SPIN1: variants seen among roughly 807,000 people sequenced by gnomAD.
The protein encoded by SPIN1 is spindlin 1, also known as spindlin-1.
In SPIN1, 3 loss-of-function variants were observed where a neutral mutation model predicts 26.0. That is an observed-to-expected ratio of 0.12 (90% confidence interval 0.05 to 0.30). SPIN1 has a LOEUF of 0.30. SPIN1 is among the 10% of genes least tolerant of loss of function. The probability of loss-of-function intolerance (pLI) is 1.00; values close to 1 mark genes in which losing one functional copy is unlikely to be tolerated. For missense variants in SPIN1, 126 were observed against 333.4 expected (o/e 0.38, Z 4.84); for synonymous variants, 101 against 116.5 (o/e 0.87, Z 0.86).
intron 1 of SPIN1, among the ~76,000 whole-genome samples, chr9:88,419,624 CT>C (rs545657677): frequency 2.2e-4 from 34 of 152,280 alleles, no homozygotes; most frequent in African/African-American, 7.2e-4. Flanking sequence ...AATCCAGCAT[CT>C]TTTTTTCTCT....
At chr9:88,416,063 G>A (rs557925939) in intron 1 of SPIN1, among the ~76,000 whole-genome samples, 67 of 151,978 alleles carry the variant, frequency 4.4e-4, no homozygotes, top group African/African-American at 1.6e-3. Context: ...GCCCAAGAAC[G>A]TCTTAATAAA....
chr9:88,421,121 A>G (rs570816468), intron 1 of SPIN1, among the ~76,000 whole-genome samples: 2 of 144,828 alleles, frequency 1.4e-5, no homozygotes, highest in Admixed American at 6.7e-5. Context: ...AATTATTTGA[A>G]GTTAACTTAC....
chr9:88,471,540 A>G (rs1828785217), intron 5 of SPIN1, among the ~76,000 whole-genome samples: 1 of 149,582 alleles, frequency 6.7e-6, no homozygotes, highest in Non-Finnish European at 1.5e-5. Flanking sequence ...CTGTAATCCC[A>G]GCTACTCGGG....
intron 4 of SPIN1, among the ~76,000 whole-genome samples, chr9:88,465,736 A>G (rs1695437065): frequency 6.6e-6 from 1 of 152,216 alleles, no homozygotes; most frequent in African/African-American, 2.4e-5. Context: ...ATGGTTTCAG[A>G]TTCTGCATTG....
At chr9:88,397,034 G>A (rs912483298) in intron 1 of SPIN1, among the ~76,000 whole-genome samples, 2 of 152,030 alleles carry the variant, frequency 1.3e-5, no homozygotes, top group African/African-American at 4.8e-5. Flanking sequence ...TCTGGGTTGA[G>A]TCTGTGAGTG....
intron 2 of SPIN1, among the ~76,000 whole-genome samples, chr9:88,434,823 G>A (rs79824010): frequency 3.9e-5 from 6 of 152,208 alleles, no homozygotes; most frequent in Admixed American, 2.0e-4. Flanking sequence ...CTGGGAGGCC[G>A]AAGCGGGTGG....
intron 3 of SPIN1, among the ~76,000 whole-genome samples, chr9:88,451,481 TG>T (rs1828351495): frequency 1.3e-5 from 2 of 152,176 alleles, no homozygotes; most frequent in South Asian, 4.1e-4. Flanking sequence ...GTGTTTTGGG[TG>T]AAACTGGTGG....
At chr9:88,406,178 A>T (rs960774919) in intron 1 of SPIN1, among the ~76,000 whole-genome samples, 1 of 151,886 alleles carries the variant, frequency 6.6e-6, no homozygotes, top group Non-Finnish European at 1.5e-5. Context: ...GCTCTATTAT[A>T]ATATTATGGG....
At chr9:88,458,229 A>G (rs1828508933) in intron 3 of SPIN1, among the ~76,000 whole-genome samples, 1 of 152,256 alleles carries the variant, frequency 6.6e-6, no homozygotes, top group Non-Finnish European at 1.5e-5. Context: ...AAGTGAGGAA[A>G]TGAAAACAGA....
rs1417842090 is a variant in SPIN1 at position 88,475,499 on chromosome 9, C to T, written c.*222C>T. ...TCTTTTAAAAGAAGTCTGTCTATTTCGAGGGGAGTTACAGGCAAGTTTGGT... is the reference window on the plus strand; with the variant it reads ...TCTTTTAAAAGAAGTCTGTCTATTTTGAGGGGAGTTACAGGCAAGTTTGGT... On this transcript the variant is annotated 3_prime_UTR_variant, in exon 6 of 6. Coordinates refer to ENST00000375859, the MANE Select transcript of SPIN1 (RefSeq NM_006717.3). 12 of 379,616 alleles carry T rather than the reference C, an allele frequency of 3.2e-5. No individual in the cohort carries two copies. Among genetic ancestry groups the T allele is most frequent in the South Asian group, 2.5e-4 (4 of 15,984 alleles). 23.5% of individuals were successfully genotyped at this position (379,616 alleles called of 1,614,324 possible).
chr9:88,412,728 G>A (rs1013226910), intron 1 of SPIN1, among the ~76,000 whole-genome samples: 53 of 151,974 alleles, frequency 3.5e-4, no homozygotes, highest in African/African-American at 1.1e-3. Flanking sequence ...AGTCACCCAG[G>A]CTAGAGTGCA....
intron 1 of SPIN1, among the ~76,000 whole-genome samples, chr9:88,414,964 C>T (rs1827528923): frequency 1.3e-5 from 2 of 152,068 alleles, no homozygotes; most frequent in African/African-American, 2.4e-5. Flanking sequence ...AGTGCAGTGG[C>T]ATGATCTCGG....
chr9:88,395,508 A>G (rs188368246), intron 1 of SPIN1, among the ~76,000 whole-genome samples: 2 of 152,228 alleles, frequency 1.3e-5, no homozygotes, highest in African/African-American at 4.8e-5. Context: ...CCTTGTGGGT[A>G]TATTGTTTTT....
intron 2 of SPIN1, among the ~76,000 whole-genome samples, chr9:88,441,581 G>C (rs1828130230): frequency 6.6e-6 from 1 of 151,534 alleles, no homozygotes; most frequent in Admixed American, 6.6e-5. Context: ...AATGTAGTGA[G>C]ACCCCATCTC....
In SPIN1 at chr9:88,420,356, A is replaced by G. The variant is rs192623844; in HGVS notation, c.-158-6026A>G. Among the ~76,000 whole-genome samples the G allele has an allele frequency of 1.4e-4, 22 of 152,344 alleles. No individual in the cohort carries two copies. In the East Asian group the frequency reaches 4.3e-3, roughly 29 times the overall value. On this transcript the variant is annotated intron_variant, in intron 1 of 5. Coordinates refer to ENST00000375859, the MANE Select transcript of SPIN1 (RefSeq NM_006717.3). ...CGCCATTGCACTTCCAGCCTGAGCA[A>G]CAGGGTGAGACTCCGTCTCAACAAA...
At chr9:88,465,102 G>T in intron 4 of SPIN1, among the ~76,000 whole-genome samples, 1 of 152,150 alleles carries the variant, frequency 6.6e-6, no homozygotes, top group Admixed American at 6.5e-5. Context: ...AGGCTGAAAA[G>T]AACATTCCAT....
chr9:88,470,811 C>A (rs988541073), intron 5 of SPIN1, among the ~76,000 whole-genome samples: 13 of 152,296 alleles, frequency 8.5e-5, no homozygotes, highest in African/African-American at 2.6e-4. Context: ...CCGGGCTCCT[C>A]TTGAACTCCT....
chr9:88,392,350 T>C (rs1826942115), intron 1 of SPIN1, among the ~76,000 whole-genome samples: 1 of 152,196 alleles, frequency 6.6e-6, no homozygotes, highest in Non-Finnish European at 1.5e-5. Context: ...AACACAGATG[T>C]ATCCTTACAG....
In SPIN1 at chr9:88,395,007, A is replaced by G. The variant is rs1827023317; in HGVS notation, c.-159+6469A>G. Among the ~76,000 whole-genome samples, 3 of 151,606 alleles carry G rather than the reference A, an allele frequency of 2.0e-5. No homozygotes were observed. The South Asian group carries it at 6.2e-4, about 32-fold the overall frequency. ...GTATTTTTAGTAGAGACGGGGTTTC[A>G]CTATGTTAGCCAAGATGGTCTCGAT... On this transcript the variant is annotated intron_variant, in intron 1 of 5. Transcript: ENST00000375859.
Sources: gnomAD v4.1 joint callset for allele counts (sites outside exome capture counted in the v4.1 genomes callset) on GRCh38, gnomAD v4.1.1 for gene constraint, MANE v1.5 for transcripts, NCBI Gene and HGNC (gene_info 2026-07-23, HGNC 2026-07-21) for gene names.